CNTNAP2: variants seen among roughly 807,000 people sequenced by gnomAD.
CNTNAP2 encodes contactin-associated protein-like 2.
A neutral mutation model predicts 155.2 loss-of-function variants in CNTNAP2; 98 were observed. That is an observed-to-expected ratio of 0.63 (90% CI 0.54 to 0.75). The LOEUF is 0.75. Ranked by LOEUF, CNTNAP2 falls within the 30% of genes least tolerant of loss-of-function variation. The pLI, the probability that CNTNAP2 is intolerant of heterozygous loss-of-function variation, is 0.00. For synonymous variants in CNTNAP2, 651 were observed against 631.2 expected (o/e 1.03, Z -0.47); for missense variants, 1,727 against 1,688.1 (o/e 1.02, Z -0.40).
chr7:147,262,105 C>T (rs1804484571), intron 8 of CNTNAP2, among the ~76,000 whole-genome samples: 1 of 152,154 alleles, frequency 6.6e-6, no homozygotes, highest in Admixed American at 6.5e-5. Flanking sequence ...AAAATGTAGA[C>T]TGTTGTTCTT....
chr7:147,110,005 A>G (rs1054393318), intron 5 of CNTNAP2, among the ~76,000 whole-genome samples: 1 of 151,876 alleles, frequency 6.6e-6, no homozygotes, highest in East Asian at 1.9e-4. Flanking sequence ...GCTCACTGCC[A>G]CCTCTGCCTC....
chr7:147,389,223 T>C (rs1796670295), intron 9 of CNTNAP2, among the ~76,000 whole-genome samples: 1 of 152,178 alleles, frequency 6.6e-6, no homozygotes, highest in African/African-American at 2.4e-5. Context: ...TAGAGACTAG[T>C]AGATATTTTG....
chr7:147,152,167 G>C (rs570706642), intron 8 of CNTNAP2, among the ~76,000 whole-genome samples: 1 of 152,138 alleles, frequency 6.6e-6, no homozygotes. Context: ...GATTAAATCT[G>C]CTTCTGGAAA....
At chr7:148,333,776 G>A (rs983731916) in intron 21 of CNTNAP2, among the ~76,000 whole-genome samples, 1 of 152,234 alleles carries the variant, frequency 6.6e-6, no homozygotes, top group African/African-American at 2.4e-5. Context: ...TCAACTCCTG[G>A]AGAGGCTCTT....
intron 1 of CNTNAP2, among the ~76,000 whole-genome samples, chr7:146,298,983 G>C (rs1180060234): frequency 6.6e-6 from 1 of 152,114 alleles, no homozygotes; most frequent in Non-Finnish European, 1.5e-5. Context: ...AATATTAAAA[G>C]AAATAATACG....
chr7:146,145,976 G>A (rs1374407909), intron 1 of CNTNAP2, among the ~76,000 whole-genome samples: 1 of 151,966 alleles, frequency 6.6e-6, no homozygotes, highest in Non-Finnish European at 1.5e-5. Flanking sequence ...TTAAATAGTT[G>A]CCAAACAAAA....
At chr7:146,155,685 CATTATT>C (rs58328058) in intron 1 of CNTNAP2, among the ~76,000 whole-genome samples, 37 of 146,756 alleles carry the variant, frequency 2.5e-4, no homozygotes, top group South Asian at 6.5e-4. Flanking sequence ...AAAACAATAT[CATTATT>C]ATTATTATTA....
chr7:148,393,480 T>G (rs1387718639), intron 22 of CNTNAP2, among the ~76,000 whole-genome samples: 1 of 152,228 alleles, frequency 6.6e-6, no homozygotes, highest in Admixed American at 6.5e-5. Context: ...AAATCAACTA[T>G]GGTATTAGTC....
chr7:146,895,580 T>C (rs2129212387), intron 3 of CNTNAP2, among the ~76,000 whole-genome samples: 1 of 151,974 alleles, frequency 6.6e-6, no homozygotes, highest in Non-Finnish European at 1.5e-5. Flanking sequence ...TTTGATATTT[T>C]TGTTAGTATG....
intron 1 of CNTNAP2, among the ~76,000 whole-genome samples, chr7:146,511,700 T>C (rs1797468815): frequency 6.6e-6 from 1 of 152,192 alleles, no homozygotes; most frequent in South Asian, 2.1e-4. Flanking sequence ...TTGAGAATTT[T>C]GCATTTTATT....
chr7:147,287,387 C>T (rs879443086), intron 8 of CNTNAP2, among the ~76,000 whole-genome samples: 1 of 152,026 alleles, frequency 6.6e-6, no homozygotes, highest in Non-Finnish European at 1.5e-5. Flanking sequence ...GCTAAACTGA[C>T]TTAGCAGGGT....
intron 15 of CNTNAP2, among the ~76,000 whole-genome samples, chr7:148,077,779 T>TA (rs1803519896): frequency 6.6e-6 from 1 of 152,180 alleles, no homozygotes; most frequent in Non-Finnish European, 1.5e-5. Context: ...ACAAGGACCT[T>TA]ATTCAAGTAT....
rs182710851 is a variant in CNTNAP2 at position 146,539,454 on chromosome 7, C to T, written c.98-234817C>T. Among the ~76,000 whole-genome samples, 342 of 152,032 alleles carry T rather than the reference C, an allele frequency of 2.2e-3. 3 individuals are homozygous for T. The highest frequency in any genetic ancestry group is 8.0e-3 in the African/African-American group (333 of 41,492). Reference sequence around the variant, plus strand: ...AATCTGCCAGTTCAATGGAATTCAACCTTTGCTAGGCTGCAAATGATGGTA... The same window carrying T: ...AATCTGCCAGTTCAATGGAATTCAATCTTTGCTAGGCTGCAAATGATGGTA... On this transcript the variant is annotated intron_variant, in intron 1 of 23. Coordinates refer to ENST00000361727, the MANE Select transcript of CNTNAP2 (RefSeq NM_014141.6).
At chr7:146,167,074 C>A (rs568983226) in intron 1 of CNTNAP2, among the ~76,000 whole-genome samples, 1 of 152,048 alleles carries the variant, frequency 6.6e-6, no homozygotes, top group African/African-American at 2.4e-5. Flanking sequence ...GACAACTGGG[C>A]GCATAGCAGT....
intron 13 of CNTNAP2, among the ~76,000 whole-genome samples, chr7:147,690,294 A>G (rs986175870): frequency 6.6e-6 from 1 of 152,122 alleles, no homozygotes; most frequent in Non-Finnish European, 1.5e-5. Context: ...CCTTCTATAC[A>G]AAGTCTTCCC....
At chr7:146,977,704 T>C (rs543959921) in intron 3 of CNTNAP2, among the ~76,000 whole-genome samples, 1 of 152,326 alleles carries the variant, frequency 6.6e-6, no homozygotes, top group Admixed American at 6.5e-5. Flanking sequence ...TTAGATACTA[T>C]ATTTTATAAT....
In CNTNAP2 at chr7:146,971,094, T is replaced by C. The variant is rs10224735; in HGVS notation, c.403-72813T>C. Among the ~76,000 whole-genome samples the C allele has an allele frequency of 4.2e-3, 635 of 152,092 alleles. 6 individuals carry two copies. Among genetic ancestry groups the C allele is most frequent in the African/African-American group, 0.014 (601 of 41,504 alleles). Reference sequence around the variant, plus strand: ...GAGGGGGAGGGATAGCTTTAGGAGATATACCTAATGCTAAATGACAAGTTA... The same window carrying C: ...GAGGGGGAGGGATAGCTTTAGGAGACATACCTAATGCTAAATGACAAGTTA... On this transcript the variant is annotated intron_variant, in intron 3 of 23. Transcript: ENST00000361727.
intron 1 of CNTNAP2, among the ~76,000 whole-genome samples, chr7:146,226,563 G>A (rs1001317446): frequency 3.3e-5 from 5 of 152,116 alleles, no homozygotes; most frequent in Non-Finnish European, 4.4e-5. Flanking sequence ...GGAGGCTGAG[G>A]TGGAAAGGAT....
At chr7:148,177,711 C>A (rs1316268306) in intron 18 of CNTNAP2, among the ~76,000 whole-genome samples, 1 of 152,082 alleles carries the variant, frequency 6.6e-6, no homozygotes, top group African/African-American at 2.4e-5. Context: ...GTTGTAGTAG[C>A]CTGCCCCAAG....
Sources: gnomAD v4.1 joint callset for allele counts (sites outside exome capture counted in the v4.1 genomes callset) on GRCh38, gnomAD v4.1.1 for gene constraint, MANE v1.5 for transcripts, NCBI Gene and HGNC (gene_info 2026-07-23, HGNC 2026-07-21) for gene names.